The following AHI1 variants were observed in gnomAD, a reference collection of about 807,000 sequenced individuals.
AHI1 encodes Abelson helper integration site 1, also known as jouberin.
AHI1 carries 123 observed loss-of-function variants against 149.3 expected under a neutral mutation model. That is an observed-to-expected ratio of 0.82 (90% CI 0.71 to 0.96). AHI1 has a LOEUF of 0.96. Among genes scored for constraint, AHI1 ranks in the 40% least tolerant of loss-of-function variants. AHI1 has a pLI of 0.00. For missense variants in AHI1, 1,439 were observed against 1,422.7 expected (o/e 1.01, Z -0.18); for synonymous variants, 475 against 459.8 (o/e 1.03, Z -0.42).
chr6:135,485,507 TC>T (rs1196855776), intron 5 of AHI1, among the ~76,000 whole-genome samples: 2 of 152,234 alleles, frequency 1.3e-5, no homozygotes, highest in East Asian at 3.8e-4. Context: ...TAAAAATTAA[TC>T]TGGAAACAAC....
intron 24 of AHI1, among the ~76,000 whole-genome samples, chr6:135,352,827 G>A (rs200117049): frequency 9.8e-6 from 1 of 102,348 alleles, no homozygotes; most frequent in Non-Finnish European, 2.0e-5. Flanking sequence ...TTTTTTTTTG[G>A]TATTTCTACT....
chr6:135,448,289 C>A lies in AHI1; in HGVS notation c.1626+1G>T. On this transcript the variant is annotated splice_donor_variant, in intron 12 of 28. Transcript: ENST00000265602. LOFTEE classifies it high-confidence loss of function. ...ACACTTAATATGTACTATTAACTTA[C>A]ACAGTCTGGAACTTTCAGTCCTCTT... 1 of 1,571,594 alleles carries A rather than the reference C, an allele frequency of 6.4e-7. No individual in the cohort carries two copies. The highest frequency in any genetic ancestry group is 1.2e-5 in the South Asian group (1 of 82,868).
rs543958922 is a variant in AHI1, at chr6:135,442,481, C to T, written c.1912+101G>A. 16 of 1,285,354 alleles carry T rather than the reference C, an allele frequency of 1.2e-5. No homozygotes were observed. In the South Asian group the frequency reaches 2.5e-4, roughly 20 times the overall value. 79.6% of individuals were successfully genotyped at this position (1,285,354 alleles called of 1,614,324 possible). A position where few individuals can be genotyped will look rare whatever the true frequency, so the allele number is the denominator to read the frequency against. ...ATCCGTTTTCTTTAATTTAGTAGTA[C>T]AGGGGATTACTCAAGTTAAGATTTC... On this transcript the variant is annotated intron_variant, in intron 14 of 28. Transcript: ENST00000265602.
chr6:135,372,815 T>C (rs930642934), intron 23 of AHI1, among the ~76,000 whole-genome samples: 1 of 152,252 alleles, frequency 6.6e-6, no homozygotes, highest in Non-Finnish European at 1.5e-5. Context: ...CAGCAGTACC[T>C]GGACTGACAC....
chr6:135,358,308 G>T (rs935703832), intron 23 of AHI1, 121 bp from the exon 24 acceptor site: 1 of 861,814 alleles, frequency 1.2e-6, no homozygotes, highest in Non-Finnish European at 1.9e-6. Context: ...CAAGAAAAAA[G>T]TCTCACTTGG....
chr6:135,429,943 T>C lies in AHI1; in HGVS notation c.2431A>G (p.Asn811Asp), dbSNP rs1362092820. The change falls in exon 18 of 29, where the codon AAT becomes GAT. Residue 811 changes from asparagine (N) to aspartate (D), a missense_variant. Transcript: ENST00000265602. ...GTATGGATTAACAAACGTTTTCCAT[T>C]GGGATGAATCTCCAAATAACTTATT... ...IPISYLEIHPNGKRLLIHTKD... is the reference protein window; with the variant it reads ...IPISYLEIHPDGKRLLIHTKD... The C allele has an allele frequency of 1.9e-6, 3 of 1,591,370 alleles. No homozygotes were observed. Among genetic ancestry groups the C allele is most frequent in the Admixed American group, 1.7e-5 (1 of 58,294 alleles).
intron 14 of AHI1, among the ~76,000 whole-genome samples, chr6:135,439,491 A>G (rs1461960271): frequency 6.6e-6 from 1 of 152,212 alleles, no homozygotes; most frequent in Non-Finnish European, 1.5e-5. Flanking sequence ...TCATGTTGGC[A>G]ATTGGCATAT....
intron 24 of AHI1, among the ~76,000 whole-genome samples, chr6:135,337,369 A>T (rs1360995061): frequency 6.6e-6 from 1 of 152,210 alleles, no homozygotes; most frequent in African/African-American, 2.4e-5. Context: ...ACATACATAC[A>T]TATGTACACA....
At position 135,309,391 on chromosome 6, in the gene AHI1, GTTA is replaced by G. The variant is rs530338852; in HGVS notation, c.3427-8836_3427-8834del. On this transcript the variant is annotated intron_variant, in intron 26 of 28. Transcript: ENST00000265602. ...TTAATACTTTTTTCTCAAAATAGGT[GTTA>G]TAAGTTATTGAAACAAATTAGGGGA... Among the ~76,000 whole-genome samples the G allele has an allele frequency of 9.2e-5, 14 of 151,782 alleles. No homozygotes were observed. The East Asian group carries it at 2.1e-3, about 23-fold the overall frequency.
At chr6:135,399,677 T>C (rs1456254757) in intron 22 of AHI1, among the ~76,000 whole-genome samples, 1 of 152,064 alleles carries the variant, frequency 6.6e-6, no homozygotes, top group Non-Finnish European at 1.5e-5. Context: ...TGATGTTTCT[T>C]AAATCTAAAA....
intron 26 of AHI1, among the ~76,000 whole-genome samples, chr6:135,315,149 C>A (rs2128371317): frequency 6.6e-6 from 1 of 152,312 alleles, no homozygotes; most frequent in South Asian, 2.1e-4. Context: ...ATCCTGGAAT[C>A]TTAATGTTCA....
intron 27 of AHI1, among the ~76,000 whole-genome samples, chr6:135,296,496 G>A (rs1240570091): frequency 1.3e-5 from 2 of 152,086 alleles, no homozygotes; most frequent in South Asian, 4.2e-4. Context: ...ATCTCTCCCA[G>A]TTTCTTACTC....
chr6:135,403,633 C>T (rs1780330774), intron 22 of AHI1, among the ~76,000 whole-genome samples: 1 of 152,140 alleles, frequency 6.6e-6, no homozygotes, highest in South Asian at 2.1e-4. Context: ...CTTTGAATTG[C>T]TAGTCAGAAA....
chr6:135,470,126 A>T (rs1791450267), intron 5 of AHI1, among the ~76,000 whole-genome samples: 1 of 152,150 alleles, frequency 6.6e-6, no homozygotes, highest in Non-Finnish European at 1.5e-5. Context: ...GTGAGAAAAA[A>T]ACTAAACGAC....
chr6:135,295,746 A>G (rs1309961072), intron 27 of AHI1, among the ~76,000 whole-genome samples: 1 of 152,182 alleles, frequency 6.6e-6, no homozygotes, highest in Non-Finnish European at 1.5e-5. Flanking sequence ...CAAAATTACA[A>G]AAGAGCATCA....
chr6:135,344,613 C>T (rs1790887180), intron 24 of AHI1, among the ~76,000 whole-genome samples: 1 of 149,466 alleles, frequency 6.7e-6, no homozygotes, highest in African/African-American at 2.5e-5. Flanking sequence ...AACTTCAAAC[C>T]CTCCCTCCCT....
rs897736955 is a variant in AHI1 at position 135,300,786 on chromosome 6, A to G, written c.3427-228T>C. ...CTCCAGAGAGTTCAAACACTCATTTATAAGTAAAGTCAGCTTTCAGGTATG... is the reference window on the plus strand; with the variant it reads ...CTCCAGAGAGTTCAAACACTCATTTGTAAGTAAAGTCAGCTTTCAGGTATG... On this transcript the variant is annotated intron_variant, in intron 26 of 28. Coordinates refer to ENST00000265602, the MANE Select transcript of AHI1 (RefSeq NM_001134831.2). The G allele has an allele frequency of 3.6e-6, 4 of 1,120,792 alleles. No individual in the cohort carries two copies. The African/African-American group carries it at 6.6e-5, about 19-fold the overall frequency. 69.4% of individuals were successfully genotyped at this position (1,120,792 alleles called of 1,614,324 possible).
intron 26 of AHI1, among the ~76,000 whole-genome samples, chr6:135,310,273 A>AAT (rs10639634): frequency 0.7 from 106,272 of 151,988 alleles, 38,668 homozygotes; most frequent in African/African-American, 0.92. Context: ...GATATTTGAA[A>AAT]AGTGTTATAC....
At chr6:135,430,947 T>C (rs1273873153) in intron 17 of AHI1, among the ~76,000 whole-genome samples, 1 of 151,992 alleles carries the variant, frequency 6.6e-6, no homozygotes, top group Non-Finnish European at 1.5e-5. Flanking sequence ...TGTCACCCAA[T>C]GGATTACTGA....
Sources: gnomAD v4.1 joint callset for allele counts (sites outside exome capture counted in the v4.1 genomes callset) on GRCh38, gnomAD v4.1.1 for gene constraint, MANE v1.5 for transcripts, NCBI Gene and HGNC (gene_info 2026-07-23, HGNC 2026-07-21) for gene names.